Variants in DLG2 observed in about 807,000 individuals in gnomAD.
DLG2 encodes the protein disks large homolog 2.
DLG2 carries 45 observed loss-of-function variants against 132.5 expected under a neutral mutation model. The observed-to-expected ratio is 0.34, with a 90% CI of 0.27 to 0.44. The LOEUF is 0.44. DLG2 is among the 20% of genes least tolerant of loss of function. The pLI is 1.00. For synonymous variants in DLG2, 424 were observed against 419.6 expected, an observed-to-expected ratio of 1.01 and a Z score of -0.13; for missense variants, 1,045 against 1,196.9, an observed-to-expected ratio of 0.87 and a Z score of 1.87.
At chr11:84,181,931 G>A (rs1235459880) in intron 8 of DLG2, among the ~76,000 whole-genome samples, 2 of 152,136 alleles carry the variant, frequency 1.3e-5, no homozygotes, top group South Asian at 2.1e-4. Context: ...TATTATAGTT[G>A]GAGACTTGAA....
At chr11:84,901,857 C>T (rs922857252) in intron 6 of DLG2, among the ~76,000 whole-genome samples, 7 of 151,784 alleles carry the variant, frequency 4.6e-5, no homozygotes, top group African/African-American at 1.5e-4. Flanking sequence ...TCTATTGTAC[C>T]ACACAGTTTA....
chr11:85,419,099 T>C (rs2090094629), intron 3 of DLG2, among the ~76,000 whole-genome samples: 1 of 152,242 alleles, frequency 6.6e-6, no homozygotes, highest in African/African-American at 2.4e-5. Flanking sequence ...CTTCAGGAAC[T>C]CTTTTAAGGC....
chr11:85,203,800 G>T (rs965722553), intron 4 of DLG2, among the ~76,000 whole-genome samples: 4 of 151,944 alleles, frequency 2.6e-5, no homozygotes, highest in Admixed American at 6.6e-5. Context: ...TAAAATACTA[G>T]CAAACTGGAT....
At chr11:84,576,351 T>A (rs1052846399) in intron 6 of DLG2, among the ~76,000 whole-genome samples, 29 of 152,222 alleles carry the variant, frequency 1.9e-4, no homozygotes, top group Admixed American at 1.9e-3. Flanking sequence ...GAATGAATTA[T>A]ATTTATAATC....
At chr11:84,506,350 C>T (rs1474813470) in intron 7 of DLG2, among the ~76,000 whole-genome samples, 1 of 152,058 alleles carries the variant, frequency 6.6e-6, no homozygotes, top group Middle Eastern at 3.2e-3. Flanking sequence ...GCTGGGATTA[C>T]AGGCGTGAGC....
chr11:84,502,292 T>TCTCTCTC (rs2099216581), intron 7 of DLG2, among the ~76,000 whole-genome samples: 1 of 3,124 alleles, frequency 3.2e-4, no homozygotes, highest in Non-Finnish European at 5.3e-4. Flanking sequence ...CTTTCTTTCT[T>TCTCTCTC]TCTTTCTTTC....
At chr11:83,934,350 A>G (rs966460230) in intron 14 of DLG2, among the ~76,000 whole-genome samples, 1 of 152,114 alleles carries the variant, frequency 6.6e-6, no homozygotes, top group Admixed American at 6.5e-5. Flanking sequence ...TCTATCTTTA[A>G]AAGTTTGATA....
At chr11:85,463,267 T>A (rs546126383) in intron 3 of DLG2, among the ~76,000 whole-genome samples, 1 of 152,290 alleles carries the variant, frequency 6.6e-6, no homozygotes, top group Non-Finnish European at 1.5e-5. Flanking sequence ...TACTCAATAA[T>A]AACTGCAAAG....
intron 6 of DLG2, among the ~76,000 whole-genome samples, chr11:84,807,652 A>C: frequency 6.6e-6 from 1 of 152,192 alleles, no homozygotes; most frequent in Non-Finnish European, 1.5e-5. Flanking sequence ...TGAAAGTGAA[A>C]AATAGGAAAG....
At chr11:84,030,873 C>T (rs2154090854) in intron 11 of DLG2, among the ~76,000 whole-genome samples, 1 of 152,196 alleles carries the variant, frequency 6.6e-6, no homozygotes, top group African/African-American at 2.4e-5. Context: ...ACAAGGGGTG[C>T]TCATTAAAGA....
At position 84,051,384 on chromosome 11, in the gene DLG2, A is replaced by G. The variant is rs1296928486; in HGVS notation, c.919+7931T>C. Among the ~76,000 whole-genome samples, 5 of 151,906 alleles carry G rather than the reference A, an allele frequency of 3.3e-5. No individual in the cohort carries two copies. The East Asian group carries it at 9.7e-4, about 29-fold the overall frequency. ...GACTTGGAACCAACCCAAATGTCCA[A>G]CAATGATAGACTGGATTAAGAAAAT... On this transcript the variant is annotated intron_variant, in intron 11 of 27. Coordinates refer to ENST00000376104, the MANE Select transcript of DLG2 (RefSeq NM_001142699.3).
chr11:85,291,961 A>G (rs1385657348), intron 3 of DLG2, among the ~76,000 whole-genome samples: 1 of 152,160 alleles, frequency 6.6e-6, no homozygotes, highest in Non-Finnish European at 1.5e-5. Context: ...TTCCTCCAAC[A>G]TACCTTGTTC....
intron 6 of DLG2, among the ~76,000 whole-genome samples, chr11:84,753,719 C>T (rs1037916235): frequency 1.3e-5 from 2 of 152,100 alleles, no homozygotes; most frequent in Non-Finnish European, 2.9e-5. Flanking sequence ...TATCTAAAGT[C>T]ATGGAATGGG....
intron 6 of DLG2, among the ~76,000 whole-genome samples, chr11:84,582,391 G>A (rs2099518643): frequency 6.7e-6 from 1 of 148,544 alleles, no homozygotes; most frequent in Admixed American, 6.8e-5. Context: ...TATATATTTA[G>A]GGAAAACTCT....
intron 18 of DLG2, among the ~76,000 whole-genome samples, chr11:83,718,027 C>T (rs1408830240): frequency 2.0e-5 from 3 of 152,150 alleles, no homozygotes; most frequent in Non-Finnish European, 2.9e-5. Flanking sequence ...AAACCTGCTC[C>T]GTACTCCCTC....
At chr11:85,202,694 C>A (rs2081557500) in intron 4 of DLG2, among the ~76,000 whole-genome samples, 1 of 152,000 alleles carries the variant, frequency 6.6e-6, no homozygotes, top group Admixed American at 6.6e-5. Flanking sequence ...AATATTAAGT[C>A]TCTTTTCTGA....
intron 15 of DLG2, among the ~76,000 whole-genome samples, chr11:83,924,317 C>T (rs535735116): frequency 6.6e-6 from 1 of 152,202 alleles, no homozygotes; most frequent in African/African-American, 2.4e-5. Context: ...GGAAAGAAAG[C>T]TTGCCAAAGA....
At chr11:84,148,958 T>A (rs1344207687) in intron 9 of DLG2, among the ~76,000 whole-genome samples, 1 of 152,212 alleles carries the variant, frequency 6.6e-6, no homozygotes, top group African/African-American at 2.4e-5. Context: ...TTTGCATTTC[T>A]CTGATGATTA....
At chr11:83,968,231 T>C (rs1323123069) in intron 12 of DLG2, among the ~76,000 whole-genome samples, 1 of 152,224 alleles carries the variant, frequency 6.6e-6, no homozygotes, top group Admixed American at 6.5e-5. Flanking sequence ...TTTTGCTCCA[T>C]GTTGCTATGT....
Sources: allele counts gnomAD v4.1 joint callset (sites outside exome capture counted in the v4.1 genomes callset), GRCh38; gene constraint gnomAD v4.1.1; transcripts MANE v1.5; gene names NCBI Gene and HGNC (gene_info 2026-07-23, HGNC 2026-07-21).